Variants in CCPG1 observed in about 807,000 individuals in gnomAD.
CCPG1 encodes the protein cell cycle progression protein 1.
Under a neutral mutation model 81.3 loss-of-function variants are expected in CCPG1, and 46 were observed. The observed-to-expected ratio is 0.57, with a 90% CI of 0.45 to 0.72. The LOEUF (loss-of-function observed/expected upper bound fraction) is 0.72. Among genes scored for constraint, CCPG1 ranks in the 30% least tolerant of loss-of-function variants. The pLI, the probability that CCPG1 is intolerant of heterozygous loss-of-function variation, is 0.00. For synonymous variants in CCPG1, 330 were observed against 305.2 expected, an observed-to-expected ratio of 1.08 and a Z score of -0.85; for missense variants, 902 against 937.6, an observed-to-expected ratio of 0.96 and a Z score of 0.50.
chr15:55,366,671 C>T (rs2056334660), intron 6 of CCPG1, among the ~76,000 whole-genome samples: 1 of 152,126 alleles, frequency 6.6e-6, no homozygotes, highest in African/African-American at 2.4e-5. Context: ...ACTCGGGAGG[C>T]TGCGGCAGGA....
intron 8 of CCPG1, 172 bp from the exon 9 acceptor site, chr15:55,356,581 T>C (rs2056080601): frequency 8.1e-7 from 1 of 1,237,908 alleles, no homozygotes; most frequent in Admixed American, 4.0e-5. Flanking sequence ...TCTGTATTAG[T>C]TTTTTTGTCC....
intron 7 of CCPG1, among the ~76,000 whole-genome samples, chr15:55,362,753 ACT>A (rs1045655400): frequency 1.3e-5 from 2 of 152,124 alleles, no homozygotes; most frequent in Admixed American, 6.5e-5. Flanking sequence ...GTAAAAACTG[ACT>A]CTCTAGCTGG....
chr15:55,377,662 A>C (rs889726606), intron 4 of CCPG1, among the ~76,000 whole-genome samples: 6 of 152,396 alleles, frequency 3.9e-5, no homozygotes, highest in Admixed American at 3.9e-4. Flanking sequence ...ACTGAGTTAT[A>C]AGGGATCCTC....
intron 1 of CCPG1, among the ~76,000 whole-genome samples, chr15:55,399,113 G>C (rs2141341553): frequency 6.6e-6 from 1 of 152,174 alleles, no homozygotes; most frequent in South Asian, 2.1e-4. Flanking sequence ...GACAGAGTTA[G>C]CCAGCTGGTG....
intron 3 of CCPG1, among the ~76,000 whole-genome samples, chr15:55,380,706 C>T (rs554257974): frequency 7.2e-5 from 11 of 152,136 alleles, no homozygotes; most frequent in African/African-American, 2.7e-4. Flanking sequence ...GGTGAGATTC[C>T]GCCACAGTAC....
At chr15:55,405,145 G>A (rs1430271893) in intron 1 of CCPG1, among the ~76,000 whole-genome samples, 2 of 151,668 alleles carry the variant, frequency 1.3e-5, no homozygotes, top group Admixed American at 1.3e-4. Flanking sequence ...CGGACCACCT[G>A]AGGTCGGGAG....
chr15:55,392,127 G>T (rs1036705847), intron 1 of CCPG1, among the ~76,000 whole-genome samples: 8 of 149,424 alleles, frequency 5.4e-5, no homozygotes, highest in African/African-American at 2.0e-4. Flanking sequence ...GCAGAAAAAT[G>T]TAAAAGAATA....
intron 8 of CCPG1, chr15:55,357,037 C>T (rs2056093164): frequency 1.0e-6 from 1 of 985,536 alleles, no homozygotes. Context: ...TGTCCTTAGC[C>T]TTCCCTACAA....
intron 1 of CCPG1, among the ~76,000 whole-genome samples, chr15:55,407,206 C>T (rs980940666): frequency 1.4e-5 from 2 of 142,916 alleles, no homozygotes; most frequent in Non-Finnish European, 3.0e-5. Flanking sequence ...CCAGCCTGGG[C>T]AACAAGAGCG....
intron 3 of CCPG1, among the ~76,000 whole-genome samples, chr15:55,382,103 C>G (rs2056710183): frequency 6.6e-6 from 1 of 152,196 alleles, no homozygotes; most frequent in Admixed American, 6.5e-5. Flanking sequence ...AGTCTTACTT[C>G]AAAGATGATG....
At chr15:55,392,063 C>T (rs1252045757) in intron 1 of CCPG1, among the ~76,000 whole-genome samples, 2 of 144,338 alleles carry the variant, frequency 1.4e-5, no homozygotes, top group Non-Finnish European at 3.0e-5. Flanking sequence ...GATCTGATGA[C>T]AAGGAAAGAT....
At chr15:55,356,574 G>T in intron 8 of CCPG1, 165 bp from the exon 9 acceptor site, 1 of 1,229,078 alleles carries the variant, frequency 8.1e-7, no homozygotes, top group Non-Finnish European at 1.0e-6. Flanking sequence ...AAAGGAGTCT[G>T]TATTAGTTTT....
intron 1 of CCPG1, among the ~76,000 whole-genome samples, chr15:55,403,698 A>C (rs2057166713): frequency 6.6e-6 from 1 of 152,216 alleles, no homozygotes; most frequent in Non-Finnish European, 1.5e-5. Context: ...GTCTAGTTAC[A>C]ATTATGGAAC....
At position 55,359,616 on chromosome 15, in the gene CCPG1, A is replaced by T. The variant is rs1221775130; in HGVS notation, c.2157T>A (p.Asp719Glu). 6.2e-7 allele frequency: 1 copy of T among 1,613,304 alleles called. No homozygotes were observed. The highest frequency in any genetic ancestry group is 1.1e-5 in the South Asian group (1 of 91,034). Residue 719 changes from aspartate to glutamate, a missense_variant, in exon 8 of 9, where the codon GAT (aspartate) becomes GAA (glutamate). This residue lies in a region of CCPG1 where 128 missense variants were observed against 161.2 expected (regional missense o/e 0.79). Coordinates refer to ENST00000442196, the MANE Select transcript of CCPG1 (RefSeq NM_001204450.2). ...ATTCATCCAACTTCTCAAATACTCCATCATTATCTACTTCATATTCCTTCA... is the reference window on the plus strand; with the variant it reads ...ATTCATCCAACTTCTCAAATACTCCTTCATTATCTACTTCATATTCCTTCA... ...RNMKEYEVDN[D>E]GVFEKLDEYI...
In CCPG1 at chr15:55,378,433, T is replaced by C. The variant is rs955931361; in HGVS notation, c.176-57A>G. 7 of 1,057,204 alleles carry C rather than the reference T, an allele frequency of 6.6e-6. No individual in the cohort carries two copies. In the African/African-American group the frequency reaches 1.1e-4, roughly 17 times the overall value. The allele number at this position is 1,057,204 out of a possible 1,614,324, so 65.5% of individuals were successfully genotyped here. A position where few individuals can be genotyped will look rare whatever the true frequency, so the allele number is the denominator to read the frequency against. On this transcript the variant is annotated intron_variant, in intron 3 of 8. Transcript: ENST00000442196. ...TCTTAATTTAAAACTCTCTGTTGAC[T>C]TTCTGCAGCCAACATATAATCTGGG...
intron 8 of CCPG1, chr15:55,357,483 C>A: frequency 1.0e-6 from 1 of 967,432 alleles, no homozygotes; most frequent in Non-Finnish European, 1.2e-6. Context: ...GCTTTACTTT[C>A]TGTGATTGAG....
chr15:55,356,107 A>T lies in CCPG1; in HGVS notation c.*113T>A. The T allele has an allele frequency of 1.2e-6, 1 of 810,018 alleles. No homozygotes were observed. Among genetic ancestry groups the T allele is most frequent in the Non-Finnish European group, 1.9e-6 (1 of 529,104 alleles). The allele number at this position is 810,018 out of a possible 1,614,324, so 50.2% of individuals were successfully genotyped here. On this transcript the variant is annotated 3_prime_UTR_variant, in exon 9 of 9. Transcript: ENST00000442196. ...ATATAAAGTTATCAAACTGATACTT[A>T]GAAACAAAAGAAAAGACATTGTCAT...
At chr15:55,402,122 TG>T (rs1407611902) in intron 1 of CCPG1, among the ~76,000 whole-genome samples, 1 of 152,260 alleles carries the variant, frequency 6.6e-6, no homozygotes, top group African/African-American at 2.4e-5. Context: ...ATTTGCCTAA[TG>T]GTAGCTTACA....
intron 8 of CCPG1, chr15:55,358,541 G>T (rs2056128593): frequency 1.0e-6 from 1 of 985,266 alleles, no homozygotes. Context: ...ATCTCCAAAT[G>T]ACCTTCCTTT....
Sources: allele counts gnomAD v4.1 joint callset (sites outside exome capture counted in the v4.1 genomes callset), GRCh38; gene constraint gnomAD v4.1.1; regional missense constraint gnomAD v4.1.1; transcripts MANE v1.5; gene names NCBI Gene and HGNC (gene_info 2026-07-23, HGNC 2026-07-21).